GRM8: variants seen among roughly 807,000 people sequenced by gnomAD.
The protein encoded by GRM8 is metabotropic glutamate receptor 8.
Under a neutral mutation model 87.2 loss-of-function variants are expected in GRM8, and 47 were observed. The observed-to-expected ratio is 0.54, with a 90% CI of 0.43 to 0.69. The LOEUF is 0.69. GRM8 is among the 30% of genes least tolerant of loss of function. The probability of loss-of-function intolerance (pLI) is 0.00; values close to 1 mark genes in which losing one functional copy is unlikely to be tolerated. For missense variants in GRM8, 1,019 were observed against 1,139.2 expected, an observed-to-expected ratio of 0.89 and a Z score of 1.52; for synonymous variants, 396 against 404.5, an observed-to-expected ratio of 0.98 and a Z score of 0.25.
intron 3 of GRM8, among the ~76,000 whole-genome samples, chr7:126,949,361 A>T (rs1807890724): frequency 6.6e-6 from 1 of 152,198 alleles, no homozygotes; most frequent in African/African-American, 2.4e-5. Context: ...TTAGATTCTT[A>T]TGAAGCATAT....
chr7:127,061,840 T>C (rs1820621719), intron 3 of GRM8, among the ~76,000 whole-genome samples: 1 of 152,370 alleles, frequency 6.6e-6, no homozygotes. Context: ...TGTACTTCCA[T>C]ACTGGATGTT....
intron 3 of GRM8, among the ~76,000 whole-genome samples, chr7:126,968,106 T>C (rs557986821): frequency 6.6e-6 from 1 of 152,330 alleles, no homozygotes; most frequent in South Asian, 2.1e-4. Context: ...TTGGAGAAAC[T>C]ATCACTTTGA....
At chr7:127,008,077 C>T (rs1281781806) in intron 3 of GRM8, among the ~76,000 whole-genome samples, 4 of 151,816 alleles carry the variant, frequency 2.6e-5, no homozygotes, top group African/African-American at 9.7e-5. Flanking sequence ...CAAAGAAAGA[C>T]AAGCAAGCAG....
At chr7:127,142,396 G>A (rs1156877704) in intron 2 of GRM8, among the ~76,000 whole-genome samples, 1 of 152,164 alleles carries the variant, frequency 6.6e-6, no homozygotes, top group Non-Finnish European at 1.5e-5. Flanking sequence ...GCAAGAAAGA[G>A]AAGTCCCAAC....
chr7:127,013,802 A>G (rs575115890), intron 3 of GRM8, among the ~76,000 whole-genome samples: 2 of 152,300 alleles, frequency 1.3e-5, no homozygotes, highest in East Asian at 3.9e-4. Context: ...CATAAAACCT[A>G]TAATCAAATC....
At chr7:127,208,575 C>A (rs1425730898) in intron 2 of GRM8, among the ~76,000 whole-genome samples, 1 of 152,166 alleles carries the variant, frequency 6.6e-6, no homozygotes, top group Non-Finnish European at 1.5e-5. Context: ...AAGTTTATAC[C>A]AAACCCTGGG....
chr7:127,100,007 G>C (rs1369123567), intron 3 of GRM8, among the ~76,000 whole-genome samples: 1 of 152,070 alleles, frequency 6.6e-6, no homozygotes, highest in Non-Finnish European at 1.5e-5. Context: ...GCAGAGACTG[G>C]AGTGATGCAT....
intron 3 of GRM8, among the ~76,000 whole-genome samples, chr7:127,077,477 G>C (rs770256199): frequency 6.6e-6 from 1 of 152,160 alleles, no homozygotes; most frequent in Non-Finnish European, 1.5e-5. Context: ...TCTAACACAA[G>C]TTCTAGTTAT....
At chr7:127,146,071 C>T (rs1228623697) in intron 2 of GRM8, among the ~76,000 whole-genome samples, 4 of 152,068 alleles carry the variant, frequency 2.6e-5, no homozygotes, top group African/African-American at 9.6e-5. Context: ...TAAGATGAGC[C>T]ACAGCCAGTA....
chr7:126,850,317 T>C lies in GRM8; in HGVS notation c.1156+52225A>G, dbSNP rs531660515. 3.9e-5 allele frequency among the ~76,000 whole-genome samples: 6 copies of C among 152,344 alleles called. No homozygotes were observed. In the East Asian group the frequency reaches 7.7e-4, roughly 20 times the overall value. ...TTTTCAATATCCTTAATTGACCCCT[T>C]GTCATCTCCCTGTCCTTTATGTGTT... is the stretch of plus-strand genomic sequence containing the variant. On this transcript the variant is annotated intron_variant, in intron 6 of 10. Coordinates refer to ENST00000339582, the MANE Select transcript of GRM8 (RefSeq NM_000845.3).
intron 3 of GRM8, among the ~76,000 whole-genome samples, chr7:126,906,877 T>C (rs1187980355): frequency 6.6e-6 from 1 of 152,208 alleles, no homozygotes; most frequent in Admixed American, 6.5e-5. Context: ...TCTACCGATA[T>C]ACTACCACTA....
At chr7:126,586,509 C>T (rs530256510) in intron 8 of GRM8, among the ~76,000 whole-genome samples, 2 of 152,120 alleles carry the variant, frequency 1.3e-5, no homozygotes, top group Non-Finnish European at 2.9e-5. Flanking sequence ...AGAACAGAGC[C>T]CTCAGAAATA....
intron 2 of GRM8, among the ~76,000 whole-genome samples, chr7:127,170,891 T>C (rs141104880): frequency 0.013 from 1,943 of 152,206 alleles, 42 homozygotes; most frequent in African/African-American, 0.045. Flanking sequence ...GGGTACAGTG[T>C]ACACTGCTCG....
intron 7 of GRM8, among the ~76,000 whole-genome samples, chr7:126,650,039 C>A (rs1187433368): frequency 6.6e-6 from 1 of 152,194 alleles, no homozygotes; most frequent in Non-Finnish European, 1.5e-5. Flanking sequence ...GCTCTTGTCC[C>A]GTTACTGGGC....
chr7:127,160,932 A>G (rs1003573551), intron 2 of GRM8, among the ~76,000 whole-genome samples: 4 of 152,144 alleles, frequency 2.6e-5, no homozygotes, highest in Non-Finnish European at 5.9e-5. Context: ...ACCAAAAAGC[A>G]GAGCCTGAGT....
At chr7:127,076,142 C>T in intron 3 of GRM8, 1 of 456,512 alleles carries the variant, frequency 2.2e-6, no homozygotes, top group Admixed American at 2.3e-5. Context: ...GAGCATCTGA[C>T]AGCTGCATTA....
chr7:126,641,033 C>A (rs538367317), intron 7 of GRM8, among the ~76,000 whole-genome samples: 120 of 151,998 alleles, frequency 7.9e-4, no homozygotes, highest in Non-Finnish European at 1.4e-3. Flanking sequence ...GGTATAAATG[C>A]ACCATAAAAT....
intron 7 of GRM8, among the ~76,000 whole-genome samples, chr7:126,761,129 C>T (rs910805741): frequency 4.0e-5 from 6 of 151,512 alleles, no homozygotes; most frequent in Admixed American, 2.6e-4. Flanking sequence ...ACTCAGGAGG[C>T]GGAGGTTGCA....
rs1251264536 is a variant in GRM8 at position 126,533,585 on chromosome 7, G to C, written c.1797C>G (p.Thr599=). 2 of 1,614,108 alleles carry C rather than the reference G, an allele frequency of 1.2e-6. No individual in the cohort carries two copies. Among genetic ancestry groups the C allele is most frequent in the African/African-American group, 1.3e-5 (1 of 75,038 alleles). The change falls in exon 9 of 11, where the codon ACC becomes ACG. Residue 599 remains threonine, a synonymous_variant. Coordinates refer to ENST00000339582, the MANE Select transcript of GRM8 (RefSeq NM_000845.3). ...FVAILGIIAT[T]FVIVTFVRYN... is the part of the protein sequence containing the mutation. ...AGCGGACAAAGGTCACGATCACAAA[G>C]GTGGTGGCGATGATTCCCAATATTG...
Sources: allele counts gnomAD v4.1 joint callset (sites outside exome capture counted in the v4.1 genomes callset), GRCh38; gene constraint gnomAD v4.1.1; transcripts MANE v1.5; gene names NCBI Gene and HGNC (gene_info 2026-07-23, HGNC 2026-07-21).